CDH13: variants seen among roughly 807,000 people sequenced by gnomAD.
The protein encoded by CDH13 is cadherin-13.
CDH13 carries 24 observed loss-of-function variants against 63.8 expected under a neutral mutation model. The observed-to-expected ratio is 0.38, with a 90% confidence interval of 0.27 to 0.53. The LOEUF is 0.53. Among genes scored for constraint, CDH13 ranks in the 20% least tolerant of loss-of-function variants. The pLI, the probability that CDH13 is intolerant of heterozygous loss-of-function variation, is 0.85. For synonymous variants in CDH13, 503 were observed against 355.3 expected, an observed-to-expected ratio of 1.42 and a Z score of -4.67; for missense variants, 1,049 against 903.1, an observed-to-expected ratio of 1.16 and a Z score of -2.07.
At chr16:83,056,368 T>C (rs1252140858) in intron 3 of CDH13, among the ~76,000 whole-genome samples, 3 of 152,020 alleles carry the variant, frequency 2.0e-5, no homozygotes, top group Non-Finnish European at 4.4e-5. Flanking sequence ...AATAACACTT[T>C]GTAATAGCTA....
At chr16:83,435,680 G>A (rs762482174) in intron 6 of CDH13, among the ~76,000 whole-genome samples, 13 of 152,106 alleles carry the variant, frequency 8.5e-5, no homozygotes, top group Non-Finnish European at 1.6e-4. Context: ...GATGACTGTT[G>A]CTCAGCCTCC....
intron 5 of CDH13, among the ~76,000 whole-genome samples, chr16:83,249,821 A>G (rs1361529567): frequency 1.3e-5 from 2 of 152,250 alleles, no homozygotes; most frequent in East Asian, 1.9e-4. Context: ...TTGGTGTTAC[A>G]GATCATTTAC....
At chr16:83,413,458 C>G (rs1311652032) in intron 6 of CDH13, among the ~76,000 whole-genome samples, 1 of 152,190 alleles carries the variant, frequency 6.6e-6, no homozygotes, top group African/African-American at 2.4e-5. Flanking sequence ...GGCAACTAAT[C>G]ATCCCTTTGC....
At chr16:83,287,766 C>T (rs1466670889) in intron 5 of CDH13, among the ~76,000 whole-genome samples, 1 of 152,174 alleles carries the variant, frequency 6.6e-6, no homozygotes, top group Non-Finnish European at 1.5e-5. Context: ...ATCCCCTCAC[C>T]TCCTCCTGGT....
At chr16:82,942,095 C>T (rs1048559535) in intron 2 of CDH13, among the ~76,000 whole-genome samples, 5 of 152,066 alleles carry the variant, frequency 3.3e-5, no homozygotes, top group African/African-American at 1.2e-4. Context: ...CTTCTTGTGT[C>T]CTGTTTAAGA....
intron 5 of CDH13, among the ~76,000 whole-genome samples, chr16:83,315,799 G>A (rs1351169469): frequency 6.6e-6 from 1 of 152,028 alleles, no homozygotes. Context: ...GTTATAGTGG[G>A]TGAATGTTCT....
intron 5 of CDH13, among the ~76,000 whole-genome samples, chr16:83,285,342 G>A (rs887970954): frequency 8.6e-5 from 13 of 151,932 alleles, no homozygotes; most frequent in African/African-American, 2.4e-4. Flanking sequence ...GGTGAAATCC[G>A]GAGGAAGTAA....
rs1385663433 is a variant in CDH13 at position 82,644,211 on chromosome 16, G to T, written c.45+17074G>T. ...GCACCCTTTGGCTGGTGCGGCTGAA[G>T]AATTCAATAGCCTAGTAATGAGAAG... On this transcript the variant is annotated intron_variant, in intron 1 of 13. Coordinates refer to ENST00000567109, the MANE Select transcript of CDH13 (RefSeq NM_001257.5). This position sits in a 1 kb window ranked among gnomAD's most constrained non-coding sequence, Gnocchi z 5.7. 6.6e-6 allele frequency among the ~76,000 whole-genome samples: 1 copy of T among 152,168 alleles called. No homozygotes were observed. Among genetic ancestry groups the T allele is most frequent in the East Asian group, 1.9e-4 (1 of 5,182 alleles).
chr16:83,246,705 A>G (rs763796712), intron 5 of CDH13, among the ~76,000 whole-genome samples: 2 of 152,106 alleles, frequency 1.3e-5, no homozygotes, highest in South Asian at 2.1e-4. Context: ...TGAGGCCCCT[A>G]TGTTTACTCT....
intron 1 of CDH13, among the ~76,000 whole-genome samples, chr16:82,762,135 CCTT>C (rs1835641670): frequency 6.6e-6 from 1 of 152,096 alleles, no homozygotes. Flanking sequence ...GCTGCAGTCC[CCTT>C]CTTTTCCCCC....
chr16:83,408,039 C>T (rs959277861), intron 6 of CDH13, among the ~76,000 whole-genome samples: 1 of 152,160 alleles, frequency 6.6e-6, no homozygotes, highest in South Asian at 2.1e-4. Flanking sequence ...GCGGCTGTGT[C>T]TCCTCCCAGC....
At chr16:83,243,866 A>T (rs866898353) in intron 5 of CDH13, among the ~76,000 whole-genome samples, 2 of 152,206 alleles carry the variant, frequency 1.3e-5, no homozygotes, top group Non-Finnish European at 2.9e-5. Flanking sequence ...CACACACTTT[A>T]TCCAGATGGC....
rs931820156 is a variant in CDH13 at position 83,508,382 on chromosome 16, G to A, written c.960+21727G>A. On this transcript the variant is annotated intron_variant, in intron 7 of 13. Transcript: ENST00000567109. ...AGTGTAGTCCGTGCATCCGCCCTTC[G>A]ATGCTTGGGTTGGATCATAGAGCAG... The A allele has an allele frequency of 3.2e-5, 5 of 154,420 alleles. 1 individual carries two copies. The Middle Eastern group carries it at 3.2e-3, about 98-fold the overall frequency. 9.6% of individuals were successfully genotyped at this position (154,420 alleles called of 1,614,324 possible). A position where few individuals can be genotyped will look rare whatever the true frequency, so the allele number is the denominator to read the frequency against.
intron 7 of CDH13, among the ~76,000 whole-genome samples, chr16:83,502,114 T>C (rs1316901017): frequency 6.6e-6 from 1 of 152,194 alleles, no homozygotes; most frequent in East Asian, 1.9e-4. Context: ...GCTCCTCCCC[T>C]TCAAAGAAGT....
At chr16:83,419,941 G>A (rs1341867938) in intron 6 of CDH13, among the ~76,000 whole-genome samples, 1 of 145,480 alleles carries the variant, frequency 6.9e-6, no homozygotes, top group African/African-American at 2.6e-5. Context: ...AAAAAGTTTT[G>A]TATGTATGTG....
intron 5 of CDH13, among the ~76,000 whole-genome samples, chr16:83,338,331 G>A (rs747468415): frequency 6.6e-6 from 1 of 152,174 alleles, no homozygotes; most frequent in Non-Finnish European, 1.5e-5. Flanking sequence ...ATATGCCGGA[G>A]ATGGAGAGAA....
chr16:83,669,693 C>G (rs1353962011), intron 8 of CDH13, among the ~76,000 whole-genome samples: 1 of 152,220 alleles, frequency 6.6e-6, no homozygotes, highest in Non-Finnish European at 1.5e-5. Flanking sequence ...TTAATGATTT[C>G]CAAGTCAATT....
chr16:83,758,085 GA>G (rs35905224), intron 11 of CDH13, among the ~76,000 whole-genome samples: 50,261 of 147,484 alleles, frequency 0.34, 8,561 homozygotes, highest in African/African-American at 0.41. Context: ...AGTGCTTATG[GA>G]AAAAAAAAAA....
intron 1 of CDH13, among the ~76,000 whole-genome samples, chr16:82,842,165 C>T (rs76988930): frequency 0.033 from 1,721 of 52,100 alleles, 122 homozygotes; most frequent in Non-Finnish European, 0.055. Context: ...TATATATATA[C>T]ACACACACAC....
Sources: allele counts gnomAD v4.1 joint callset (sites outside exome capture counted in the v4.1 genomes callset), GRCh38; gene constraint gnomAD v4.1.1; non-coding constraint Gnocchi (gnomAD v3.1); transcripts MANE v1.5; gene names NCBI Gene and HGNC (gene_info 2026-07-23, HGNC 2026-07-21).